Variants in MDH2 observed in about 807,000 individuals in gnomAD.
MDH2 encodes malate dehydrogenase, mitochondrial.
In MDH2, 25 loss-of-function variants were observed where a neutral mutation model predicts 33.6. That is an observed-to-expected ratio of 0.74 (90% CI 0.54 to 1.04). The LOEUF (loss-of-function observed/expected upper bound fraction) is 1.04. MDH2 is among the 50% of genes least tolerant of loss of function. The pLI, the probability that MDH2 is intolerant of heterozygous loss-of-function variation, is 0.00. For synonymous variants in MDH2, 193 were observed against 188.7 expected (o/e 1.02, Z -0.19); for missense variants, 432 against 445.0 (o/e 0.97, Z 0.26).
At chr7:76,064,120 T>G (rs1554587414) in intron 6 of MDH2, among the ~76,000 whole-genome samples, 1 of 152,094 alleles carries the variant, frequency 6.6e-6, no homozygotes, top group Non-Finnish European at 1.5e-5. Flanking sequence ...TTATTATTTT[T>G]TTGCTGCTCC....
chr7:76,055,404 G>A, intron 2 of MDH2, among the ~76,000 whole-genome samples: 1 of 151,930 alleles, frequency 6.6e-6, no homozygotes, highest in East Asian at 1.9e-4. Context: ...CCCGTCTGTG[G>A]AAGGCAGTGT....
At chr7:76,057,355 C>G in intron 2 of MDH2, 55 bp from the exon 3 acceptor site, 2 of 1,602,576 alleles carry the variant, frequency 1.2e-6, no homozygotes, top group Non-Finnish European at 1.7e-6. Flanking sequence ...CTGAACTTTC[C>G]AGGCCTCTCT....
At chr7:76,060,540 T>C (rs781813602) in intron 5 of MDH2, 42 bp downstream of exon 5, 3 of 1,607,418 alleles carry the variant, frequency 1.9e-6, no homozygotes, top group Middle Eastern at 1.7e-4. Context: ...CTTTCTGAAC[T>C]TCTCCCGCCA....
At chr7:76,061,513 G>A (rs183286710) in intron 5 of MDH2, among the ~76,000 whole-genome samples, 3 of 152,278 alleles carry the variant, frequency 2.0e-5, no homozygotes, top group African/African-American at 4.8e-5. Flanking sequence ...AGTGGCTCAC[G>A]GCTGTCATCC....
chr7:76,064,550 T>C (rs980038118), intron 7 of MDH2, 112 bp downstream of exon 7: 3 of 1,044,652 alleles, frequency 2.9e-6, no homozygotes, highest in Admixed American at 5.0e-5. Context: ...TCAGTGTTGA[T>C]TTGCAGTTGC....
chr7:76,048,454 A>C (rs1352680557), intron 1 of MDH2: 2 of 1,158,568 alleles, frequency 1.7e-6, no homozygotes, highest in Non-Finnish European at 2.3e-6. Context: ...GGGCCGGTCC[A>C]TTTGTCAGGG....
intron 1 of MDH2, among the ~76,000 whole-genome samples, chr7:76,049,736 C>T (rs575314059): frequency 2.8e-4 from 42 of 152,280 alleles, no homozygotes; most frequent in African/African-American, 9.6e-4. Flanking sequence ...AGATATTTTA[C>T]TTATTGCCCC....
intron 1 of MDH2, 185 bp downstream of exon 1, chr7:76,048,411 C>A: frequency 8.6e-7 from 1 of 1,159,642 alleles, no homozygotes; most frequent in Non-Finnish European, 1.2e-6. Context: ...GGGGAGAAAG[C>A]CGGGGAAAAG....
intron 5 of MDH2, among the ~76,000 whole-genome samples, chr7:76,061,512 C>T (rs1254484162): frequency 2.0e-5 from 3 of 152,152 alleles, no homozygotes; most frequent in Admixed American, 6.5e-5. Context: ...CAGTGGCTCA[C>T]GGCTGTCATC....
intron 5 of MDH2, among the ~76,000 whole-genome samples, chr7:76,061,480 A>T (rs1424985156): frequency 6.6e-6 from 1 of 152,108 alleles, no homozygotes; most frequent in Non-Finnish European, 1.5e-5. Flanking sequence ...ACTTGAATCG[A>T]AGAGACAGTT....
At chr7:76,049,446 A>G (rs1554584986) in intron 1 of MDH2, among the ~76,000 whole-genome samples, 1 of 152,158 alleles carries the variant, frequency 6.6e-6, no homozygotes, top group African/African-American at 2.4e-5. Context: ...TTGATATGGG[A>G]CAGGAATGAG....
At chr7:76,066,194 C>T (rs1426672633) in intron 8 of MDH2, 85 bp from the exon 9 acceptor site, 2 of 1,526,626 alleles carry the variant, frequency 1.3e-6, no homozygotes, top group African/African-American at 2.8e-5. Context: ...GACTCCTCGG[C>T]AGGGCTGATG....
chr7:76,058,075 T>G lies in MDH2; in HGVS notation c.426T>G (p.Asn142Lys), dbSNP rs1554586538. The G allele has an allele frequency of 5.6e-6, 9 of 1,612,160 alleles. No individual in the cohort carries two copies. The highest frequency in any genetic ancestry group is 7.6e-6 in the Non-Finnish European group (9 of 1,179,632). The change falls in exon 4 of 9, where the codon AAT becomes AAG. Residue 142 changes from asparagine (N) to lysine (K), a missense_variant. Physicochemically the swap from Asn to Lys is moderately conservative, Grantham distance 94. Coordinates refer to ENST00000315758, the MANE Select transcript of MDH2 (RefSeq NM_005918.4). ...CPEAMICVIANPVNSTIPITA... is the reference protein window; with the variant it reads ...CPEAMICVIAKPVNSTIPITA... Reference sequence around the variant, plus strand: ...AAGCCATGATCTGCGTCATTGCCAATCCGGTGAGTGTGGCAGCACCCGGCT... The same window carrying G: ...AAGCCATGATCTGCGTCATTGCCAAGCCGGTGAGTGTGGCAGCACCCGGCT...
chr7:76,063,467 C>G, intron 5 of MDH2, 48 bp from the exon 6 acceptor site: 2 of 1,571,228 alleles, frequency 1.3e-6, no homozygotes, highest in Non-Finnish European at 1.8e-6. Flanking sequence ...ACATGTTTTA[C>G]AGTGAAAGAG....
intron 1 of MDH2, chr7:76,049,075 C>G: frequency 2.0e-6 from 2 of 981,896 alleles, no homozygotes; most frequent in Non-Finnish European, 2.4e-6. Flanking sequence ...CTTTTAATTA[C>G]GACGCCCAAG....
intron 1 of MDH2, among the ~76,000 whole-genome samples, chr7:76,049,682 G>T (rs1797545152): frequency 6.6e-6 from 1 of 152,098 alleles, no homozygotes; most frequent in Admixed American, 6.6e-5. Flanking sequence ...TGGAAATACA[G>T]CGGTGAACAA....
intron 5 of MDH2, among the ~76,000 whole-genome samples, chr7:76,062,850 T>A (rs1797991748): frequency 6.6e-6 from 1 of 152,068 alleles, no homozygotes; most frequent in Non-Finnish European, 1.5e-5. Flanking sequence ...GTTGCAGCCA[T>A]CCAAGATTGT....
chr7:76,065,359 C>T (rs1215769019), intron 8 of MDH2, among the ~76,000 whole-genome samples: 1 of 152,164 alleles, frequency 6.6e-6, no homozygotes, highest in Non-Finnish European at 1.5e-5. Context: ...TCCAGACAGC[C>T]TGAGTCTTCA....
chr7:76,062,938 G>C (rs188404063), intron 5 of MDH2, among the ~76,000 whole-genome samples: 4 of 152,272 alleles, frequency 2.6e-5, no homozygotes, highest in Admixed American at 2.0e-4. Flanking sequence ...GATTCTTGGG[G>C]GTGTGGTACC....
Sources: allele counts gnomAD v4.1 joint callset (sites outside exome capture counted in the v4.1 genomes callset), GRCh38; gene constraint gnomAD v4.1.1; transcripts MANE v1.5; gene names NCBI Gene and HGNC (gene_info 2026-07-23, HGNC 2026-07-21).